The following ATM variants were observed in gnomAD, a reference collection of about 807,000 sequenced individuals.
The protein encoded by ATM is ATM serine/threonine kinase.
Under a neutral mutation model 387.0 loss-of-function variants are expected in ATM, and 308 were observed. The observed-to-expected ratio is 0.80, with a 90% CI of 0.73 to 0.87. The LOEUF (loss-of-function observed/expected upper bound fraction) is 0.87. Ranked by LOEUF, ATM falls within the 40% of genes least tolerant of loss-of-function variation. The pLI is 0.00. For missense variants in ATM, 3,312 were observed against 3,560.9 expected (o/e 0.93, Z 1.78); for synonymous variants, 1,156 against 1,187.3 (o/e 0.97, Z 0.54).
intron 57 of ATM, among the ~76,000 whole-genome samples, chr11:108,343,885 C>T (rs1279538145): frequency 6.6e-6 from 1 of 152,194 alleles, no homozygotes; most frequent in Non-Finnish European, 1.5e-5. Flanking sequence ...TCACATTGGC[C>T]ATCTAGTCTG....
intron 14 of ATM, 98 bp from the exon 15 acceptor site, chr11:108,257,383 T>A: frequency 5.0e-6 from 7 of 1,413,802 alleles, no homozygotes; most frequent in Non-Finnish European, 6.7e-6. Context: ...ACTTTATTTT[T>A]TATTTTATAG....
At chr11:108,239,485 A>G (rs2079455432) in intron 5 of ATM, among the ~76,000 whole-genome samples, 2 of 152,208 alleles carry the variant, frequency 1.3e-5, no homozygotes. Context: ...TTTCACCCTT[A>G]TTAAAAACTG....
At chr11:108,322,248 A>C (rs1215526442) in intron 45 of ATM, among the ~76,000 whole-genome samples, 1 of 151,712 alleles carries the variant, frequency 6.6e-6, no homozygotes, top group Non-Finnish European at 1.5e-5. Flanking sequence ...TCCACCTCCC[A>C]GGTTCAAGCG....
intron 20 of ATM, among the ~76,000 whole-genome samples, chr11:108,272,122 A>T (rs1468897565): frequency 6.6e-6 from 1 of 152,082 alleles, no homozygotes; most frequent in Non-Finnish European, 1.5e-5. Flanking sequence ...TGATCTGCCC[A>T]CCTTGGCCTC....
chr11:108,352,675 C>T (rs2089353635), intron 59 of ATM, among the ~76,000 whole-genome samples: 2 of 152,126 alleles, frequency 1.3e-5, no homozygotes, highest in South Asian at 4.1e-4. Context: ...CTACAGTGGG[C>T]AAATGCTTAA....
intron 26 of ATM, among the ~76,000 whole-genome samples, chr11:108,286,356 C>G (rs2082493451): frequency 7.9e-6 from 1 of 126,486 alleles, no homozygotes; most frequent in South Asian, 2.7e-4. Context: ...ATAAAACACA[C>G]AAACAAAGCA....
intron 42 of ATM, among the ~76,000 whole-genome samples, chr11:108,316,753 CAAAAAA>C (rs58165074): frequency 0.011 from 798 of 72,430 alleles, 11 homozygotes; most frequent in African/African-American, 0.04. Context: ...ACTAAAAATA[CAAAAAA>C]AAAAAAAAAA....
At position 108,252,008 on chromosome 11, in the gene ATM, A is replaced by G. The variant is rs876660493; in HGVS notation, c.1779A>G (p.Thr593=). 1 of 1,612,804 alleles carries G rather than the reference A, an allele frequency of 6.2e-7. No individual in the cohort carries two copies. Among genetic ancestry groups the G allele is most frequent in the Non-Finnish European group, 8.5e-7 (1 of 1,179,722 alleles). The change falls in exon 11 of 63, where the codon ACA becomes ACG. Residue 593 remains threonine (T), a synonymous_variant. Transcript: ENST00000675843. ...YQLEGDLENS[T]EVPPILHSNF... ...TAGAGGGTGACTTAGAAAATAGCAC[A>G]GAAGTGCCTCCAATTCTTCACAGGT...
intron 5 of ATM, among the ~76,000 whole-genome samples, chr11:108,239,969 T>C (rs1417352486): frequency 1.3e-5 from 2 of 152,242 alleles, no homozygotes; most frequent in Admixed American, 1.3e-4. Context: ...AAATTGACTT[T>C]TATCTTTTAG....
At chr11:108,340,492 C>G (rs1305975065) in intron 56 of ATM, 1 of 152,212 alleles carries the variant, frequency 6.6e-6, no homozygotes, top group Non-Finnish European at 1.5e-5. Flanking sequence ...TCTCTCTTCT[C>G]AAGTCTTGTC....
intron 46 of ATM, 103 bp downstream of exon 46, chr11:108,325,647 G>T (rs1027453844): frequency 4.1e-6 from 4 of 970,528 alleles, no homozygotes; most frequent in Non-Finnish European, 6.2e-6. Context: ...AAGAGATAGA[G>T]ATCTCTATTA....
At chr11:108,328,927 A>T in intron 48 of ATM, 94 bp from the exon 49 acceptor site, 1 of 1,297,200 alleles carries the variant, frequency 7.7e-7, no homozygotes, top group South Asian at 1.3e-5. Flanking sequence ...TATGTATATA[A>T]GTTAAATTTT....
rs886047618 is a variant in ATM, at chr11:108,366,047, AAC to A, written c.*541_*542del. 3.7e-4 allele frequency: 65 copies of A among 175,982 alleles called. No homozygotes were observed. The East Asian group carries it at 5.6e-3, about 15-fold the overall frequency. 10.9% of individuals were successfully genotyped at this position (175,982 alleles called of 1,614,324 possible). A position where few individuals can be genotyped will look rare whatever the true frequency, so the allele number is the denominator to read the frequency against. ...TCCATCTCAAAAAAAAAAAAAAAAA[AAC>A]AGAAACGTATTTGGATTTTTCCTAG... On this transcript the variant is annotated 3_prime_UTR_variant, in exon 63 of 63. Transcript: ENST00000675843.
At chr11:108,358,340 G>T (rs2090283854) in intron 61 of ATM, among the ~76,000 whole-genome samples, 1 of 143,178 alleles carries the variant, frequency 7.0e-6, no homozygotes, top group African/African-American at 2.6e-5. Flanking sequence ...GAAAGTGATG[G>T]GGAGAATGGA....
At chr11:108,307,723 C>A (rs1002330962) in intron 37 of ATM, among the ~76,000 whole-genome samples, 174 bp from the exon 38 acceptor site, 24 of 152,066 alleles carry the variant, frequency 1.6e-4, no homozygotes, top group Non-Finnish European at 2.9e-4. Flanking sequence ...TTTAAGATAA[C>A]AGTTTCTTTT....
chr11:108,237,899 G>GTTTT (rs369161623), intron 5 of ATM, among the ~76,000 whole-genome samples: 30 of 92,022 alleles, frequency 3.3e-4, no homozygotes, highest in African/African-American at 1.2e-3. Context: ...ATTTACTTAG[G>GTTTT]TTTTTTTTTT....
At chr11:108,236,735 G>A (rs2135138357) in intron 5 of ATM, among the ~76,000 whole-genome samples, 1 of 152,322 alleles carries the variant, frequency 6.6e-6, no homozygotes, top group African/African-American at 2.4e-5. Flanking sequence ...TGATTCATTA[G>A]ATGTGTAGAG....
intron 59 of ATM, among the ~76,000 whole-genome samples, chr11:108,348,174 G>T (rs1565569058): frequency 6.6e-6 from 1 of 151,694 alleles, no homozygotes; most frequent in Non-Finnish European, 1.5e-5. Context: ...ATTTCTAGGT[G>T]GAATAGACAG....
chr11:108,249,541 CT>C, intron 9 of ATM, among the ~76,000 whole-genome samples: 1 of 152,268 alleles, frequency 6.6e-6, no homozygotes, highest in East Asian at 1.9e-4. Flanking sequence ...TATTTTCTAT[CT>C]TCTTTATTCT....
Sources: allele counts gnomAD v4.1 joint callset (sites outside exome capture counted in the v4.1 genomes callset), GRCh38; gene constraint gnomAD v4.1.1; transcripts MANE v1.5; gene names NCBI Gene and HGNC (gene_info 2026-07-23, HGNC 2026-07-21).